Variants in SNX33 observed in about 807,000 individuals in gnomAD.
The protein encoded by SNX33 is sorting nexin 33, also known as sorting nexin-33.
SNX33 carries 19 observed loss-of-function variants against 38.8 expected under a neutral mutation model. The observed-to-expected ratio is 0.49, with a 90% confidence interval of 0.34 to 0.72. SNX33 has a LOEUF of 0.72. SNX33 is among the 30% of genes least tolerant of loss of function. The pLI is 0.01. For synonymous variants in SNX33, 246 were observed against 289.7 expected (o/e 0.85, Z 1.53); for missense variants, 641 against 776.4 (o/e 0.83, Z 2.07).
chr15:75,656,810 T>G (rs1318007941), intron 1 of SNX33, 152 bp from the exon 2 acceptor site: 2 of 1,256,060 alleles, frequency 1.6e-6, no homozygotes, highest in East Asian at 5.1e-5. Flanking sequence ...GGTAACATCC[T>G]GGCAGAGACA....
intron 1 of SNX33, among the ~76,000 whole-genome samples, chr15:75,653,333 G>A (rs976177079): frequency 6.6e-6 from 1 of 152,176 alleles, no homozygotes; most frequent in Admixed American, 6.5e-5. Flanking sequence ...GGGCATAAAA[G>A]GGGGCCCTAG....
intron 1 of SNX33, among the ~76,000 whole-genome samples, chr15:75,654,097 T>TAAAAAAAAAAA (rs77714603): frequency 2.7e-5 from 3 of 111,044 alleles, no homozygotes; most frequent in East Asian, 5.2e-4. Flanking sequence ...CATCTCAAAT[T>TAAAAAAAAAAA]AAAAAAAAAA....
Position 75,659,909 on chromosome 15 carries a change from T to C in SNX33, c.*2694T>C, listed in dbSNP as rs1893701981. ...GTGTGTGTGGCAGGGAGGGAGGCTGTCCTGGCCCTCCTCTCTCTTTTCTTT... is the reference window on the plus strand; with the variant it reads ...GTGTGTGTGGCAGGGAGGGAGGCTGCCCTGGCCCTCCTCTCTCTTTTCTTT... On this transcript the variant is annotated 3_prime_UTR_variant, in exon 2 of 2. Coordinates refer to ENST00000308527, the MANE Select transcript of SNX33 (RefSeq NM_153271.2). 6.7e-6 allele frequency: 1 copy of C among 150,234 alleles called. No individual in the cohort carries two copies. The highest frequency in any genetic ancestry group is 2.5e-5 in the African/African-American group (1 of 40,758). The allele number at this position is 150,234 out of a possible 1,614,324, so 9.3% of individuals were successfully genotyped here. A position where few individuals can be genotyped will look rare whatever the true frequency, so the allele number is the denominator to read the frequency against.
Position 75,657,243 on chromosome 15 carries a change from C to G in SNX33, c.*28C>G, listed in dbSNP as rs764145480. On this transcript the variant is annotated 3_prime_UTR_variant, in exon 2 of 2. Transcript: ENST00000308527. The surrounding 1 kb of genome is among the most constrained non-coding windows in gnomAD (Gnocchi z 5.5). ...GCGTGTGCCTGGGCCCCCTCCTTCCCCTGGGCCTGGTCACTGCAGTGTACC... is the reference window on the plus strand; with the variant it reads ...GCGTGTGCCTGGGCCCCCTCCTTCCGCTGGGCCTGGTCACTGCAGTGTACC... The G allele has an allele frequency of 6.2e-7, 1 of 1,612,458 alleles. No homozygotes were observed. Among genetic ancestry groups the G allele is most frequent in the Non-Finnish European group, 8.5e-7 (1 of 1,179,034 alleles).
intron 1 of SNX33, among the ~76,000 whole-genome samples, chr15:75,651,431 A>G (rs749196669): frequency 1.4e-4 from 22 of 152,204 alleles, no homozygotes; most frequent in Middle Eastern, 6.8e-3. Context: ...TTCAGTTCTC[A>G]TGACCCCCTC....
rs1166781223 is a variant in SNX33, at chr15:75,656,967, T to G, written c.1477T>G (p.Phe493Val). ...CTCTGCTCTGCCTATGCCAGGCGCC[T>G]TCGCCAAGGTGAAGGAGAGCCAACG... is the stretch of plus-strand genomic sequence containing the variant. ...PDIIHLQKGA[F>V]AKVKESQRMS... The change falls in exon 2 of 2, where the codon TTC becomes GTC. Residue 493 changes from phenylalanine (F) to valine (V), a missense_variant. Physicochemically the swap from Phe to Val is conservative, Grantham distance 50. Around this residue, in one of 2 missense-constraint regions of SNX33, gnomAD observed 398 missense variants for 542.5 expected, o/e 0.73. Transcript: ENST00000308527. 6.2e-7 allele frequency: 1 copy of G among 1,612,204 alleles called. No homozygotes were observed. The highest frequency in any genetic ancestry group is 8.5e-7 in the Non-Finnish European group (1 of 1,178,770).
Position 75,650,769 on chromosome 15 carries a change from G to A in SNX33, c.1471+196G>A, listed in dbSNP as rs974247915. ...AGCACTTTGGGAGGTTGAAGTAGGA[G>A]GATCACTTGGGCCCAGGAGGTTGAG... On this transcript the variant is annotated intron_variant, in intron 1 of 1. Coordinates refer to ENST00000308527, the MANE Select transcript of SNX33 (RefSeq NM_153271.2). The surrounding 1 kb of genome is among the most constrained non-coding windows in gnomAD (Gnocchi z 6.1). 6.6e-6 allele frequency among the ~76,000 whole-genome samples: 1 copy of A among 152,204 alleles called. No homozygotes were observed. Among genetic ancestry groups the A allele is most frequent in the African/African-American group, 2.4e-5 (1 of 41,456 alleles).
rs1893531370 is a variant in SNX33, at chr15:75,648,824, G to A, written c.-279G>A. On this transcript the variant is annotated 5_prime_UTR_variant, in exon 1 of 2. Transcript: ENST00000308527. This position sits in a 1 kb window ranked among gnomAD's most constrained non-coding sequence, Gnocchi z 4.4. ...GGAGAGATTCCCCTCTAACCCCCCA[G>A]AGGCTGCTAAGGGAGGAGGAGACTG... The A allele has an allele frequency of 1.2e-5, 4 of 339,926 alleles. No homozygotes were observed. Among genetic ancestry groups the A allele is most frequent in the Non-Finnish European group, 2.1e-5 (4 of 191,894 alleles). 21.1% of individuals were successfully genotyped at this position (339,926 alleles called of 1,614,324 possible). A position where few individuals can be genotyped will look rare whatever the true frequency, so the allele number is the denominator to read the frequency against.
intron 1 of SNX33, among the ~76,000 whole-genome samples, chr15:75,651,358 C>A (rs1893577710): frequency 6.6e-6 from 1 of 152,130 alleles, no homozygotes; most frequent in Non-Finnish European, 1.5e-5. Context: ...GGGACTGTCC[C>A]TTCCTCCTGC....
chr15:75,659,962 G>A lies in SNX33; in HGVS notation c.*2747G>A, dbSNP rs1893703304. Reference sequence around the variant, plus strand: ...GCCTCTATGGGGGTGGGGGTATTGGGGGAACTTGGGGCCGTTCTGGGGTAG... The same window carrying A: ...GCCTCTATGGGGGTGGGGGTATTGGAGGAACTTGGGGCCGTTCTGGGGTAG... On this transcript the variant is annotated 3_prime_UTR_variant, in exon 2 of 2. Coordinates refer to ENST00000308527, the MANE Select transcript of SNX33 (RefSeq NM_153271.2). The A allele has an allele frequency of 6.6e-6, 1 of 151,928 alleles. No homozygotes were observed. Among genetic ancestry groups the A allele is most frequent in the Non-Finnish European group, 1.5e-5 (1 of 68,008 alleles). 9.4% of individuals were successfully genotyped at this position (151,928 alleles called of 1,614,324 possible).
Position 75,649,066 on chromosome 15 carries a change from C to G in SNX33, c.-37C>G. 1 of 1,546,804 alleles carries G rather than the reference C, an allele frequency of 6.5e-7. No homozygotes were observed. Among genetic ancestry groups the G allele is most frequent in the Admixed American group, 1.9e-5 (1 of 51,834 alleles). On this transcript the variant is annotated 5_prime_UTR_variant, in exon 1 of 2. Transcript: ENST00000308527. The surrounding 1 kb of genome is among the most constrained non-coding windows in gnomAD (Gnocchi z 6.6). The stretch of plus-strand genomic sequence containing the variant: ...GAGCATCCCCGGTCTGGGCAGGACC[C>G]TCTCCTTCCCATCTTTCTATACCAC...
intron 1 of SNX33, among the ~76,000 whole-genome samples, chr15:75,651,699 C>T (rs760142360): frequency 4.6e-5 from 7 of 152,254 alleles, no homozygotes; most frequent in Non-Finnish European, 1.0e-4. Flanking sequence ...GGGCAGATGT[C>T]AGGAGAGAGG....
Position 75,649,309 on chromosome 15 carries a change from C to G in SNX33, c.207C>G (p.Asp69Glu). The change falls in exon 1 of 2, where the codon GAC becomes GAG. Residue 69 changes from aspartate (D) to glutamate (E), a missense_variant. This residue lies in a region of SNX33 where 243 missense variants were observed against 233.9 expected (regional missense o/e 1.04). Transcript: ENST00000308527. The surrounding 1 kb of genome is among the most constrained non-coding windows in gnomAD (Gnocchi z 6.6). ...CTGGCATCAGCACCAACCATGCTGA[C>G]TACTCCAGCAGCCCTGCAGGCTCTC... is the stretch of plus-strand genomic sequence containing the variant. ...VRSGISTNHA[D>E]YSSSPAGSPG... The G allele has an allele frequency of 6.2e-7, 1 of 1,603,624 alleles. No homozygotes were observed. The highest frequency in any genetic ancestry group is 8.5e-7 in the Non-Finnish European group (1 of 1,173,292).
chr15:75,652,948 G>T (rs531470627), intron 1 of SNX33, among the ~76,000 whole-genome samples: 1 of 152,160 alleles, frequency 6.6e-6, no homozygotes, highest in Admixed American at 6.5e-5. Flanking sequence ...ATTCTGTCCA[G>T]CCTGTCTGGA....
intron 1 of SNX33, among the ~76,000 whole-genome samples, chr15:75,655,668 A>T (rs759953153): frequency 6.6e-6 from 1 of 152,228 alleles, no homozygotes; most frequent in Non-Finnish European, 1.5e-5. Flanking sequence ...TTTAGAATGC[A>T]CTGGACAATT....
chr15:75,657,315 A>G lies in SNX33; in HGVS notation c.*100A>G. ...ACCAGCAGTGACTGGGGGAGGGGTCAGCGGTGGGGGAGATAAGCGGCCTGT... is the reference window on the plus strand; with the variant it reads ...ACCAGCAGTGACTGGGGGAGGGGTCGGCGGTGGGGGAGATAAGCGGCCTGT... On this transcript the variant is annotated 3_prime_UTR_variant, in exon 2 of 2. Coordinates refer to ENST00000308527, the MANE Select transcript of SNX33 (RefSeq NM_153271.2). This position sits in a 1 kb window ranked among gnomAD's most constrained non-coding sequence, Gnocchi z 5.5. 1.9e-6 allele frequency: 3 copies of G among 1,554,866 alleles called. No homozygotes were observed. The South Asian group carries it at 3.6e-5, about 19-fold the overall frequency.
At position 75,657,519 on chromosome 15, in the gene SNX33, A is replaced by G. The variant is rs1596000470; in HGVS notation, c.*304A>G. On this transcript the variant is annotated 3_prime_UTR_variant, in exon 2 of 2. Transcript: ENST00000308527. The surrounding 1 kb of genome is among the most constrained non-coding windows in gnomAD (Gnocchi z 5.5). Reference sequence around the variant, plus strand: ...AGGGTCTCAGCCTCCCCTAGAGCCTATTTTGCTTGCTCACCTGGCCACTGC... The same window carrying G: ...AGGGTCTCAGCCTCCCCTAGAGCCTGTTTTGCTTGCTCACCTGGCCACTGC... 1 of 463,972 alleles carries G rather than the reference A, an allele frequency of 2.2e-6. No individual in the cohort carries two copies. The highest frequency in any genetic ancestry group is 4.0e-5 in the East Asian group (1 of 25,026). 28.7% of individuals were successfully genotyped at this position (463,972 alleles called of 1,614,324 possible).
At position 75,649,508 on chromosome 15, in the gene SNX33, G is replaced by C; in HGVS notation, c.406G>C (p.Gly136Arg). The C allele has an allele frequency of 6.4e-7, 1 of 1,570,910 alleles. No homozygotes were observed. The highest frequency in any genetic ancestry group is 2.3e-5 in the East Asian group (1 of 44,268). The stretch of plus-strand genomic sequence containing the variant: ...GGAGGAGCCACGGGCTGGTGGGCTG[G>C]GCACCAACGGGCACCCTCCCCTCAA... Reference protein sequence around the residue: ...VVEEPRAGGLGTNGHPPLNLS... With the variant: ...VVEEPRAGGLRTNGHPPLNLS... Residue 136 changes from glycine to arginine, a missense_variant, in exon 1 of 2, where the codon GGC becomes CGC. Around this residue, in one of 2 missense-constraint regions of SNX33, gnomAD observed 243 missense variants for 233.9 expected, o/e 1.04. Transcript: ENST00000308527. The surrounding 1 kb of genome is among the most constrained non-coding windows in gnomAD (Gnocchi z 6.6).
At chr15:75,651,951 A>G (rs2141397713) in intron 1 of SNX33, among the ~76,000 whole-genome samples, 1 of 151,130 alleles carries the variant, frequency 6.6e-6, no homozygotes, top group Non-Finnish European at 1.5e-5. Context: ...TAACTTCTCC[A>G]GCTCCCAGCC....
Sources: gnomAD v4.1 joint callset for allele counts (sites outside exome capture counted in the v4.1 genomes callset) on GRCh38, gnomAD v4.1.1 for gene constraint, gnomAD v4.1.1 regional missense constraint, Gnocchi (gnomAD v3.1) non-coding constraint, MANE v1.5 for transcripts, NCBI Gene and HGNC (gene_info 2026-07-23, HGNC 2026-07-21) for gene names.